The following DNASE1L3 variants were observed in gnomAD, a reference collection of about 807,000 sequenced individuals.
DNASE1L3 encodes deoxyribonuclease 1L3.
Under a neutral mutation model 30.9 loss-of-function variants are expected in DNASE1L3, and 27 were observed. The observed-to-expected ratio is 0.87, with a 90% CI of 0.64 to 1.20. DNASE1L3 has a LOEUF of 1.20. Ranked by LOEUF, DNASE1L3 falls within the 50% of genes most tolerant of loss-of-function variation. The probability of loss-of-function intolerance (pLI) is 0.00; values close to 1 mark genes in which losing one functional copy is unlikely to be tolerated. For synonymous variants in DNASE1L3, 135 were observed against 138.0 expected, an observed-to-expected ratio of 0.98 and a Z score of 0.15; for missense variants, 364 against 378.2, an observed-to-expected ratio of 0.96 and a Z score of 0.31.
rs369219413 is a variant in DNASE1L3, at chr3:58,192,673, T to G, written c.*14A>C. ...TAGAGGCAAGAAATGGTTAATAAGA[T>G]GAGACCCTTGGGTCTAGGAGCGTTT... On this transcript the variant is annotated 3_prime_UTR_variant, in exon 8 of 8. Coordinates refer to ENST00000394549, the MANE Select transcript of DNASE1L3 (RefSeq NM_004944.4). The surrounding 1 kb of genome is among the most constrained non-coding windows in gnomAD (Gnocchi z 4.8). 6 of 1,606,994 alleles carry G rather than the reference T, an allele frequency of 3.7e-6. No homozygotes were observed. Among genetic ancestry groups the G allele is most frequent in the Non-Finnish European group, 5.1e-6 (6 of 1,176,012 alleles).
In DNASE1L3 at chr3:58,210,761, C is replaced by G. The variant is rs763685087; in HGVS notation, c.141+5G>C. The G allele has an allele frequency of 1.2e-6, 2 of 1,614,104 alleles. No individual in the cohort carries two copies. The highest frequency in any genetic ancestry group is 1.7e-6 in the Non-Finnish European group (2 of 1,180,004). Reference sequence around the variant, plus strand: ...TGGGATCCTCCTCCCAGGAAAGGGGCTCACCTTCACAATGACATCCATGGC... The same window carrying G: ...TGGGATCCTCCTCCCAGGAAAGGGGGTCACCTTCACAATGACATCCATGGC... On this transcript the variant is annotated splice_donor_5th_base_variant and intron_variant, in intron 1 of 7. Coordinates refer to ENST00000394549, the MANE Select transcript of DNASE1L3 (RefSeq NM_004944.4).
Position 58,204,836 on chromosome 3 carries a change from A to G in DNASE1L3, c.366T>C (p.Tyr122=). The G allele has an allele frequency of 6.2e-7, 1 of 1,614,176 alleles. No homozygotes were observed. Among genetic ancestry groups the G allele is most frequent in the Non-Finnish European group, 8.5e-7 (1 of 1,180,020 alleles). Residue 122 remains tyrosine (Y), a synonymous_variant, in exon 4 of 8, where the codon TAT becomes TAC. Transcript: ENST00000394549. The stretch of plus-strand genomic sequence containing the variant: ...AAAACACATCTGCGTCTCCATCCTG[A>G]TAGTCATGGTAGTGATAACTCCTCT... ...SVKRSYHYHD[Y]QDGDADVFSR... is the part of the protein sequence containing the mutation.
intron 1 of DNASE1L3, among the ~76,000 whole-genome samples, chr3:58,209,305 G>A (rs1014200526): frequency 6.6e-6 from 1 of 152,134 alleles, no homozygotes; most frequent in Non-Finnish European, 1.5e-5. Flanking sequence ...CAGAGTTCAA[G>A]CCCCCATGAT....
chr3:58,197,747 C>T lies in DNASE1L3; in HGVS notation c.704+74G>A, dbSNP rs1045513205. 28 of 1,605,300 alleles carry T rather than the reference C, an allele frequency of 1.7e-5. No homozygotes were observed. Among genetic ancestry groups the T allele is most frequent in the Non-Finnish European group, 2.0e-5 (24 of 1,175,326 alleles). ...GGACTACTGGCGTGAGCCACAGTGC[C>T]CAGCCACCTTGCGTCTTTCCTAGTG... On this transcript the variant is annotated intron_variant, in intron 6 of 7. Coordinates refer to ENST00000394549, the MANE Select transcript of DNASE1L3 (RefSeq NM_004944.4). The surrounding 1 kb of genome is among the most constrained non-coding windows in gnomAD (Gnocchi z 5.3).
chr3:58,199,534 G>A (rs550596598), intron 5 of DNASE1L3, among the ~76,000 whole-genome samples: 1 of 152,322 alleles, frequency 6.6e-6, no homozygotes, highest in East Asian at 1.9e-4. Context: ...GCCAGGCGTG[G>A]TGGCACATGC....
chr3:58,197,943 G>A lies in DNASE1L3; in HGVS notation c.582C>T (p.Cys194=). Residue 194 remains cysteine (C), a synonymous_variant, in exon 6 of 8, where the codon TGC becomes TGT. Transcript: ENST00000394549. The surrounding 1 kb of genome is among the most constrained non-coding windows in gnomAD (Gnocchi z 5.3). The stretch of plus-strand genomic sequence containing the variant: ...TCCAGGCCTTCTTGGGGACGTAGCT[G>A]CAGCCGGCATTGAAGTCACCCATGA... The part of the protein sequence containing the change: ...FIFMGDFNAG[C]SYVPKKAWKN... The A allele has an allele frequency of 6.2e-7, 1 of 1,613,638 alleles. No homozygotes were observed. The highest frequency in any genetic ancestry group is 8.5e-7 in the Non-Finnish European group (1 of 1,179,830).
At chr3:58,193,314 G>C (rs747458668) in intron 7 of DNASE1L3, 29 bp downstream of exon 7, 1 of 1,607,898 alleles carries the variant, frequency 6.2e-7, no homozygotes, top group Admixed American at 1.7e-5. Context: ...CCAGGACAAT[G>C]GCATAGAAAG....
chr3:58,201,794 TA>T (rs1383413895), intron 4 of DNASE1L3, among the ~76,000 whole-genome samples: 2 of 152,236 alleles, frequency 1.3e-5, no homozygotes, highest in Non-Finnish European at 2.9e-5. Context: ...GAGTAAAGGA[TA>T]AAAATTGCTT....
intron 6 of DNASE1L3, among the ~76,000 whole-genome samples, chr3:58,194,276 T>G (rs2107366447): frequency 6.6e-6 from 1 of 151,752 alleles, no homozygotes; most frequent in East Asian, 1.9e-4. Context: ...ATCAACAGTT[T>G]TGGTATCTGC....
In DNASE1L3 at chr3:58,192,678, C is replaced by G. The variant is rs757098263; in HGVS notation, c.*9G>C. 2.4e-5 allele frequency: 38 copies of G among 1,611,574 alleles called. No homozygotes were observed. Among genetic ancestry groups the G allele is most frequent in the Non-Finnish European group, 3.1e-5 (36 of 1,179,212 alleles). On this transcript the variant is annotated 3_prime_UTR_variant, in exon 8 of 8. Coordinates refer to ENST00000394549, the MANE Select transcript of DNASE1L3 (RefSeq NM_004944.4). This position sits in a 1 kb window ranked among gnomAD's most constrained non-coding sequence, Gnocchi z 4.8. ...GCAAGAAATGGTTAATAAGATGAGA[C>G]CCTTGGGTCTAGGAGCGTTTGCTCT...
rs1201712392 is a variant in DNASE1L3 at position 58,201,117 on chromosome 3, A to G, written c.434-8T>C. 7 of 1,602,836 alleles carry G rather than the reference A, an allele frequency of 4.4e-6. No homozygotes were observed. Among genetic ancestry groups the G allele is most frequent in the African/African-American group, 1.3e-5 (1 of 74,710 alleles). ...TCACGAAGTCTTTGACAGCTGAGAA[A>G]CAGGAAAGAGGCGGGGGTCACACAC... On this transcript the variant is annotated splice_polypyrimidine_tract_variant and splice_region_variant and intron_variant, in intron 4 of 7. Transcript: ENST00000394549.
chr3:58,210,764 A>G lies in DNASE1L3; in HGVS notation c.141+2T>C. 6.2e-7 allele frequency: 1 copy of G among 1,614,076 alleles called. No homozygotes were observed. The highest frequency in any genetic ancestry group is 8.5e-7 in the Non-Finnish European group (1 of 1,179,990). ...GATCCTCCTCCCAGGAAAGGGGCTC[A>G]CCTTCACAATGACATCCATGGCATT... is the stretch of plus-strand genomic sequence containing the variant. On this transcript the variant is annotated splice_donor_variant, in intron 1 of 7. Transcript: ENST00000394549. LOFTEE classifies it high-confidence loss of function.
At chr3:58,209,198 G>A (rs2097406085) in intron 1 of DNASE1L3, among the ~76,000 whole-genome samples, 1 of 152,204 alleles carries the variant, frequency 6.6e-6, no homozygotes, top group Admixed American at 6.5e-5. Flanking sequence ...CTCTTGCAGT[G>A]TTTTGGGGAT....
chr3:58,200,982 C>T lies in DNASE1L3; in HGVS notation c.546+15G>A. On this transcript the variant is annotated intron_variant, in intron 5 of 7. Coordinates refer to ENST00000394549, the MANE Select transcript of DNASE1L3 (RefSeq NM_004944.4). The surrounding 1 kb of genome is among the most constrained non-coding windows in gnomAD (Gnocchi z 4.2). Reference sequence around the variant, plus strand: ...CCCTGCTAGATGGGAATTCGTCTGACACAGCAGTCCTCACCTCCGCCTTCC... The same window carrying T: ...CCCTGCTAGATGGGAATTCGTCTGATACAGCAGTCCTCACCTCCGCCTTCC... 6.2e-7 allele frequency: 1 copy of T among 1,605,824 alleles called. No individual in the cohort carries two copies. The highest frequency in any genetic ancestry group is 1.1e-5 in the South Asian group (1 of 89,906).
At position 58,200,219 on chromosome 3, in the gene DNASE1L3, G is replaced by T. The variant is rs984018366; in HGVS notation, c.546+778C>A. ...AAACTGAGTTTGGGGTGGAGCTGGG[G>T]TGGACACAGATTTAGTCAATCAGAG... On this transcript the variant is annotated intron_variant, in intron 5 of 7. Transcript: ENST00000394549. The surrounding 1 kb of genome is among the most constrained non-coding windows in gnomAD (Gnocchi z 4.2). 6.6e-6 allele frequency among the ~76,000 whole-genome samples: 1 copy of T among 152,190 alleles called. No individual in the cohort carries two copies. Among genetic ancestry groups the T allele is most frequent in the Non-Finnish European group, 1.5e-5 (1 of 68,040 alleles).
chr3:58,210,643 C>A, intron 1 of DNASE1L3, 123 bp downstream of exon 1: 1 of 1,469,336 alleles, frequency 6.8e-7, no homozygotes, highest in Non-Finnish European at 9.3e-7. Flanking sequence ...GGTTATTGTT[C>A]CAAGCCAGCT....
rs1169548449 is a variant in DNASE1L3 at position 58,197,608 on chromosome 3, A to G, written c.704+213T>C. On this transcript the variant is annotated intron_variant, in intron 6 of 7. Transcript: ENST00000394549. This position sits in a 1 kb window ranked among gnomAD's most constrained non-coding sequence, Gnocchi z 5.3. ...GCTGGGAGTATAGGTGTGTGCCACC[A>G]TGCCTGGCTAATTTTTGTATTTTTT... 6.6e-6 allele frequency among the ~76,000 whole-genome samples: 1 copy of G among 152,092 alleles called. No individual in the cohort carries two copies. The highest frequency in any genetic ancestry group is 1.5e-5 in the Non-Finnish European group (1 of 68,026).
At chr3:58,205,858 C>T (rs2097403581) in intron 2 of DNASE1L3, among the ~76,000 whole-genome samples, 1 of 152,256 alleles carries the variant, frequency 6.6e-6, no homozygotes, top group East Asian at 1.9e-4. Flanking sequence ...CACCCCAAAA[C>T]CCGCATGCTT....
chr3:58,206,375 C>T lies in DNASE1L3; in HGVS notation c.231-815G>A, dbSNP rs143559903. Among the ~76,000 whole-genome samples, 489 of 152,278 alleles carry T rather than the reference C, an allele frequency of 3.2e-3. 4 individuals are homozygous for T. The highest frequency in any genetic ancestry group is 0.011 in the African/African-American group (473 of 41,552). ...GGCCAACTTAGACCTTACAGAAATT[C>T]CTGGGACTTCAGATGCAGTATGCTA... On this transcript the variant is annotated intron_variant, in intron 2 of 7. Transcript: ENST00000394549.
Sources: gnomAD v4.1 joint callset for allele counts (sites outside exome capture counted in the v4.1 genomes callset) on GRCh38, gnomAD v4.1.1 for gene constraint, Gnocchi (gnomAD v3.1) non-coding constraint, MANE v1.5 for transcripts, NCBI Gene and HGNC (gene_info 2026-07-23, HGNC 2026-07-21) for gene names.